The following GRM8 variants were observed in gnomAD, a reference collection of about 807,000 sequenced individuals.
The protein encoded by GRM8 is metabotropic glutamate receptor 8.
Under a neutral mutation model 87.2 loss-of-function variants are expected in GRM8, and 47 were observed. The ratio of observed to expected loss-of-function variants is 0.54; its 90% CI spans 0.43 to 0.69. The LOEUF (loss-of-function observed/expected upper bound fraction) is 0.69, where lower values mean the gene tolerates loss of function less well. Among genes scored for constraint, GRM8 ranks in the 30% least tolerant of loss-of-function variants. The pLI is 0.00. For synonymous variants in GRM8, 396 were observed against 404.5 expected (o/e 0.98, Z 0.25); for missense variants, 1,019 against 1,139.2 (o/e 0.89, Z 1.52).
chr7:126,468,703 T>C (rs1804801792), intron 9 of GRM8, among the ~76,000 whole-genome samples: 1 of 152,106 alleles, frequency 6.6e-6, no homozygotes, highest in Admixed American at 6.6e-5. Context: ...CCTGCTAAAA[T>C]CTAACTCACT....
In GRM8 at chr7:126,904,136, T is replaced by A; in HGVS notation, c.864-10A>T. The A allele has an allele frequency of 6.3e-7, 1 of 1,594,770 alleles. No individual in the cohort carries two copies. Among genetic ancestry groups the A allele is most frequent in the Non-Finnish European group, 8.6e-7 (1 of 1,165,140 alleles). On this transcript the variant is annotated splice_polypyrimidine_tract_variant and intron_variant, in intron 4 of 10. Transcript: ENST00000339582. ...TGCTTCCAATATCCTCCTACAGGAA[T>A]AAAAATAAATAATGCATATCACATG...
intron 7 of GRM8, among the ~76,000 whole-genome samples, chr7:126,618,768 A>G (rs1327725863): frequency 2.0e-5 from 3 of 152,216 alleles, no homozygotes; most frequent in Non-Finnish European, 4.4e-5. Flanking sequence ...CAGACACATG[A>G]AAAAATGCTC....
At chr7:126,632,058 G>C (rs1049616630) in intron 7 of GRM8, among the ~76,000 whole-genome samples, 15 of 152,148 alleles carry the variant, frequency 9.9e-5, no homozygotes, top group Non-Finnish European at 1.5e-4. Flanking sequence ...AAGAGCTTCT[G>C]CACAGCAAAC....
intron 2 of GRM8, among the ~76,000 whole-genome samples, chr7:127,205,182 C>CTTGTA: frequency 6.6e-6 from 1 of 152,064 alleles, no homozygotes; most frequent in South Asian, 2.1e-4. Flanking sequence ...TACAGCTGGC[C>CTTGTA]CTGTATGTTA....
At position 126,995,671 on chromosome 7, in the gene GRM8, C is replaced by G. The variant is rs1235088580; in HGVS notation, c.728-90988G>C. On this transcript the variant is annotated intron_variant, in intron 3 of 10. Coordinates refer to ENST00000339582, the MANE Select transcript of GRM8 (RefSeq NM_000845.3). The stretch of plus-strand genomic sequence containing the variant: ...CTTGGTAATATACTGTCAAAGGAGA[C>G]AAAATAAAAAGGAATAAAAAATAAT... 2.0e-5 allele frequency among the ~76,000 whole-genome samples: 3 copies of G among 151,054 alleles called. No homozygotes were observed. The East Asian group carries it at 5.8e-4, about 29-fold the overall frequency.
intron 3 of GRM8, among the ~76,000 whole-genome samples, chr7:126,926,985 A>AT: frequency 6.6e-6 from 1 of 152,302 alleles, no homozygotes; most frequent in Admixed American, 6.5e-5. Context: ...CTGTATCTTC[A>AT]GTGTCTTGCA....
At chr7:126,682,467 C>T (rs960531910) in intron 7 of GRM8, among the ~76,000 whole-genome samples, 3 of 152,178 alleles carry the variant, frequency 2.0e-5, no homozygotes, top group Non-Finnish European at 2.9e-5. Context: ...AGGTTAAGTT[C>T]CTTGGCAAAG....
intron 3 of GRM8, among the ~76,000 whole-genome samples, chr7:126,948,923 A>G (rs1304052749): frequency 6.6e-6 from 1 of 152,198 alleles, no homozygotes; most frequent in Non-Finnish European, 1.5e-5. Context: ...TGGTTGAGTG[A>G]CACTAAGGTA....
chr7:127,155,899 C>G (rs1792698984), intron 2 of GRM8, among the ~76,000 whole-genome samples: 1 of 152,116 alleles, frequency 6.6e-6, no homozygotes, highest in South Asian at 2.1e-4. Flanking sequence ...ACATGGAAAA[C>G]AACAGAAGGC....
intron 7 of GRM8, among the ~76,000 whole-genome samples, chr7:126,649,498 T>C (rs1803548180): frequency 6.6e-6 from 1 of 152,126 alleles, no homozygotes; most frequent in African/African-American, 2.4e-5. Flanking sequence ...TTGAGGGACA[T>C]TGTGATTGTG....
chr7:126,460,620 G>C (rs188139097), intron 9 of GRM8, among the ~76,000 whole-genome samples: 1 of 151,400 alleles, frequency 6.6e-6, no homozygotes, highest in African/African-American at 2.4e-5. Context: ...TCTTATCTAC[G>C]GCTGAAAATC....
intron 6 of GRM8, among the ~76,000 whole-genome samples, chr7:126,828,410 G>T (rs1366682336): frequency 6.6e-6 from 1 of 152,132 alleles, no homozygotes; most frequent in Non-Finnish European, 1.5e-5. Context: ...GGTCTATTCA[G>T]AGATTCAACT....
At chr7:127,090,122 C>T (rs558791779) in intron 3 of GRM8, among the ~76,000 whole-genome samples, 39 of 152,316 alleles carry the variant, frequency 2.6e-4, no homozygotes, top group African/African-American at 8.4e-4. Flanking sequence ...CCAAGCCAAT[C>T]CCAGCTCTTG....
intron 9 of GRM8, among the ~76,000 whole-genome samples, chr7:126,501,203 A>G (rs1334680883): frequency 6.6e-6 from 1 of 152,028 alleles, no homozygotes; most frequent in African/African-American, 2.4e-5. Flanking sequence ...AGATTTTTAA[A>G]AATTAAGTAC....
intron 2 of GRM8, among the ~76,000 whole-genome samples, chr7:127,168,568 T>C (rs539041863): frequency 6.6e-6 from 1 of 152,280 alleles, no homozygotes; most frequent in African/African-American, 2.4e-5. Context: ...CATATGTTTA[T>C]TGCAGCACTG....
chr7:126,664,946 A>G (rs990476163), intron 7 of GRM8, among the ~76,000 whole-genome samples: 6 of 152,184 alleles, frequency 3.9e-5, no homozygotes, highest in Non-Finnish European at 8.8e-5. Context: ...TAACTCCACT[A>G]AACAGTGGGC....
chr7:126,754,468 G>A (rs994658142), intron 7 of GRM8, among the ~76,000 whole-genome samples: 15 of 151,766 alleles, frequency 9.9e-5, no homozygotes, highest in South Asian at 4.2e-4. Flanking sequence ...AAACATTTTC[G>A]GTAAATGCCA....
At position 126,438,671 on chromosome 7, in the gene GRM8, A is replaced by G. The variant is rs894627653; in HGVS notation, c.*448T>C. ...AAAAATTGCATGCATCAATCATTGCATTTATTTTTAGCACAACCCAGGGCT... is the reference window on the plus strand; with the variant it reads ...AAAAATTGCATGCATCAATCATTGCGTTTATTTTTAGCACAACCCAGGGCT... On this transcript the variant is annotated 3_prime_UTR_variant, in exon 11 of 11. Transcript: ENST00000339582. 1.3e-5 allele frequency: 2 copies of G among 153,296 alleles called. No homozygotes were observed. Among genetic ancestry groups the G allele is most frequent in the African/African-American group, 4.8e-5 (2 of 41,474 alleles). 9.5% of individuals were successfully genotyped at this position (153,296 alleles called of 1,614,324 possible).
At chr7:126,564,524 C>T (rs1004962654) in intron 8 of GRM8, among the ~76,000 whole-genome samples, 1 of 152,092 alleles carries the variant, frequency 6.6e-6, no homozygotes, top group African/African-American at 2.4e-5. Flanking sequence ...CTTACCAAGA[C>T]TGAATCATTA....
Sources: gnomAD v4.1 joint callset for allele counts (sites outside exome capture counted in the v4.1 genomes callset) on GRCh38, gnomAD v4.1.1 for gene constraint, MANE v1.5 for transcripts, NCBI Gene and HGNC (gene_info 2026-07-23, HGNC 2026-07-21) for gene names.